Variants in APBA1 observed in about 807,000 individuals in gnomAD.
APBA1 encodes the protein amyloid beta precursor protein binding family A member 1, also known as amyloid-beta A4 precursor protein-binding family A member 1.
APBA1 carries 55 observed loss-of-function variants against 86.6 expected under a neutral mutation model. That is an observed-to-expected ratio of 0.64 (90% CI 0.51 to 0.80). APBA1 has a LOEUF of 0.80. Among genes scored for constraint, APBA1 ranks in the 30% least tolerant of loss-of-function variants. The probability of loss-of-function intolerance (pLI) is 0.00; values close to 1 mark genes in which losing one functional copy is unlikely to be tolerated. For missense variants in APBA1, 1,090 were observed against 1,183.0 expected, an observed-to-expected ratio of 0.92 and a Z score of 1.15; for synonymous variants, 511 against 493.9, an observed-to-expected ratio of 1.03 and a Z score of -0.46.
chr9:69,647,431 A>G (rs1049522582), intron 1 of APBA1, among the ~76,000 whole-genome samples: 2 of 152,176 alleles, frequency 1.3e-5, no homozygotes, highest in Admixed American at 6.5e-5. Flanking sequence ...CCATCTTCCT[A>G]AGAGTTTATC....
intron 1 of APBA1, among the ~76,000 whole-genome samples, chr9:69,643,843 C>T (rs1823339617): frequency 6.6e-6 from 1 of 152,202 alleles, no homozygotes; most frequent in African/African-American, 2.4e-5. Context: ...TGGGCTGATC[C>T]CTGACTGCCA....
intron 1 of APBA1, among the ~76,000 whole-genome samples, chr9:69,612,860 C>A (rs1202711023): frequency 6.6e-6 from 1 of 151,908 alleles, no homozygotes; most frequent in Non-Finnish European, 1.5e-5. Flanking sequence ...AACCAGTAAG[C>A]AGGAGATACG....
At chr9:69,597,778 C>T (rs1035376467) in intron 1 of APBA1, among the ~76,000 whole-genome samples, 10 of 152,168 alleles carry the variant, frequency 6.6e-5, no homozygotes, top group Admixed American at 2.6e-4. Context: ...GAATCCTTTC[C>T]GCATTGCTTG....
chr9:69,596,010 C>T (rs887063069), intron 1 of APBA1, among the ~76,000 whole-genome samples: 1 of 152,126 alleles, frequency 6.6e-6, no homozygotes, highest in African/African-American at 2.4e-5. Flanking sequence ...TTTTGGGAGA[C>T]AAGGTCTAGT....
chr9:69,583,068 A>G (rs892848222), intron 1 of APBA1, among the ~76,000 whole-genome samples: 2 of 152,156 alleles, frequency 1.3e-5, no homozygotes, highest in Admixed American at 6.5e-5. Context: ...TTCTTTGTCT[A>G]TGAGGAACAT....
intron 1 of APBA1, among the ~76,000 whole-genome samples, chr9:69,610,042 G>T (rs1252122365): frequency 1.3e-5 from 2 of 152,210 alleles, no homozygotes; most frequent in Non-Finnish European, 2.9e-5. Flanking sequence ...TTGGGGCCAG[G>T]TGCAGTGGCT....
In APBA1 at chr9:69,430,440, G is replaced by C. The variant is rs1461714828; in HGVS notation, c.*887C>G. On this transcript the variant is annotated 3_prime_UTR_variant, in exon 13 of 13. Coordinates refer to ENST00000265381, the MANE Select transcript of APBA1 (RefSeq NM_001163.4). ...CCTGCCTGGCCACCTGCCAGGGAAG[G>C]GGCCTTCCAGAGAGGTGGGTTTCCA... 1 of 152,314 alleles carries C rather than the reference G, an allele frequency of 6.6e-6. No homozygotes were observed. The highest frequency in any genetic ancestry group is 1.5e-5 in the Non-Finnish European group (1 of 68,222). The allele number at this position is 152,314 out of a possible 1,614,324, so 9.4% of individuals were successfully genotyped here.
chr9:69,636,877 AAG>A (rs1491139641), intron 1 of APBA1, among the ~76,000 whole-genome samples: 2 of 131,656 alleles, frequency 1.5e-5, no homozygotes, highest in Admixed American at 7.7e-5. Flanking sequence ...GAGAGAAAGA[AAG>A]AAGGAAGGAA....
At chr9:69,440,930 C>T (rs1202391929) in intron 11 of APBA1, 66 bp downstream of exon 11, 27 of 1,575,222 alleles carry the variant, frequency 1.7e-5, no homozygotes, top group East Asian at 4.5e-5. Flanking sequence ...GGCTCCACCC[C>T]CCCAGCCATG....
chr9:69,604,543 C>G (rs367824295), intron 1 of APBA1, among the ~76,000 whole-genome samples: 3 of 109,126 alleles, frequency 2.7e-5, no homozygotes, highest in African/African-American at 7.3e-5. Flanking sequence ...GAGAGGCACA[C>G]GAGTGTGGGC....
At chr9:69,521,775 A>T (rs1329087994) in intron 1 of APBA1, among the ~76,000 whole-genome samples, 1 of 152,074 alleles carries the variant, frequency 6.6e-6, no homozygotes, top group Non-Finnish European at 1.5e-5. Context: ...TGAGGTGAGA[A>T]AGGATCAGCT....
chr9:69,569,747 T>G (rs899234863), intron 1 of APBA1, among the ~76,000 whole-genome samples: 4 of 152,244 alleles, frequency 2.6e-5, no homozygotes, highest in Non-Finnish European at 5.9e-5. Context: ...TAGGGGTGAA[T>G]GCCAGGCTTA....
intron 1 of APBA1, among the ~76,000 whole-genome samples, chr9:69,539,066 G>T (rs951150830): frequency 2.0e-5 from 3 of 152,278 alleles, no homozygotes. Flanking sequence ...CTCATTGGCT[G>T]GTTTCTCTTT....
At chr9:69,607,979 G>A (rs962242957) in intron 1 of APBA1, among the ~76,000 whole-genome samples, 6 of 152,180 alleles carry the variant, frequency 3.9e-5, no homozygotes, top group East Asian at 1.9e-4. Flanking sequence ...ATAAATGCCA[G>A]TTATTATTAT....
At chr9:69,563,801 G>A (rs1450345090) in intron 1 of APBA1, among the ~76,000 whole-genome samples, 1 of 152,098 alleles carries the variant, frequency 6.6e-6, no homozygotes, top group African/African-American at 2.4e-5. Flanking sequence ...AGAACAGGAG[G>A]TCTTTACCTT....
chr9:69,669,873 C>T (rs1350806771), intron 1 of APBA1, among the ~76,000 whole-genome samples: 1 of 152,192 alleles, frequency 6.6e-6, no homozygotes, highest in Admixed American at 6.5e-5. Context: ...TTTCTCTAAA[C>T]AGGGTATTTA....
intron 1 of APBA1, among the ~76,000 whole-genome samples, chr9:69,636,400 A>C (rs919018922): frequency 6.6e-6 from 1 of 152,206 alleles, no homozygotes; most frequent in Non-Finnish European, 1.5e-5. Flanking sequence ...TGCTAGGTAT[A>C]TACTCCCAAA....
At chr9:69,596,952 C>A (rs1206105591) in intron 1 of APBA1, among the ~76,000 whole-genome samples, 2 of 152,160 alleles carry the variant, frequency 1.3e-5, no homozygotes, top group Non-Finnish European at 2.9e-5. Context: ...GCAGCAGCTC[C>A]CAGCCATTTA....
chr9:69,642,658 A>G (rs1214992219), intron 1 of APBA1, among the ~76,000 whole-genome samples: 1 of 152,096 alleles, frequency 6.6e-6, no homozygotes, highest in African/African-American at 2.4e-5. Context: ...AGAGAGAGAT[A>G]GAGAGAAATA....
Sources: gnomAD v4.1 joint callset for allele counts (sites outside exome capture counted in the v4.1 genomes callset) on GRCh38, gnomAD v4.1.1 for gene constraint, MANE v1.5 for transcripts, NCBI Gene and HGNC (gene_info 2026-07-23, HGNC 2026-07-21) for gene names.